Variants in MDGA2 observed in about 807,000 individuals in gnomAD.
MDGA2 encodes the protein MAM domain containing glycosylphosphatidylinositol anchor 2.
Under a neutral mutation model 117.8 loss-of-function variants are expected in MDGA2, and 40 were observed. That is an observed-to-expected ratio of 0.34 (90% CI 0.26 to 0.44). MDGA2 has a LOEUF of 0.44. Ranked by LOEUF, MDGA2 falls within the 20% of genes least tolerant of loss-of-function variation. MDGA2 has a pLI of 1.00. For missense variants in MDGA2, 1,123 were observed against 1,250.6 expected (o/e 0.90, Z 1.54); for synonymous variants, 452 against 439.0 (o/e 1.03, Z -0.37).
At chr14:46,890,306 G>T (rs969484370) in intron 10 of MDGA2, among the ~76,000 whole-genome samples, 3 of 151,992 alleles carry the variant, frequency 2.0e-5, no homozygotes, top group African/African-American at 7.2e-5. Flanking sequence ...CTTCTCTGTT[G>T]TAATTTTAAG....
chr14:47,551,594 T>C (rs951752239), intron 1 of MDGA2, among the ~76,000 whole-genome samples: 3 of 152,154 alleles, frequency 2.0e-5, no homozygotes, highest in African/African-American at 7.2e-5. Context: ...CTGATAGACA[T>C]CTCTGCATTA....
At chr14:47,343,140 T>A in intron 1 of MDGA2, 2 of 1,182,024 alleles carry the variant, frequency 1.7e-6, no homozygotes, top group Non-Finnish European at 2.1e-6. Flanking sequence ...ATGAAACAGC[T>A]GAGGTTACTT....
At chr14:47,474,763 T>C (rs1384450420) in intron 1 of MDGA2, among the ~76,000 whole-genome samples, 1 of 152,146 alleles carries the variant, frequency 6.6e-6, no homozygotes, top group Non-Finnish European at 1.5e-5. Flanking sequence ...TATATGGTGC[T>C]GGGAACTGGC....
At chr14:47,122,236 A>G (rs2139108814) in intron 5 of MDGA2, among the ~76,000 whole-genome samples, 1 of 152,050 alleles carries the variant, frequency 6.6e-6, no homozygotes, top group African/African-American at 2.4e-5. Context: ...TGATCATACT[A>G]CTCTACTGTA....
chr14:47,369,017 A>T (rs1377149665), intron 1 of MDGA2, among the ~76,000 whole-genome samples: 2 of 152,190 alleles, frequency 1.3e-5, no homozygotes, highest in African/African-American at 4.8e-5. Flanking sequence ...ATACTACAAA[A>T]ATTACAAAAT....
At chr14:46,945,835 A>T (rs551724348) in intron 9 of MDGA2, among the ~76,000 whole-genome samples, 1 of 152,110 alleles carries the variant, frequency 6.6e-6, no homozygotes, top group South Asian at 2.1e-4. Context: ...GTCCAATTTT[A>T]TGGTCGTTTG....
intron 10 of MDGA2, among the ~76,000 whole-genome samples, chr14:46,903,679 T>C (rs1255477011): frequency 6.6e-6 from 1 of 152,160 alleles, no homozygotes; most frequent in Admixed American, 6.6e-5. Flanking sequence ...TTGAAGTTAA[T>C]ATTAGTCTAA....
chr14:47,673,662 G>GTA (rs913648705), intron 1 of MDGA2, among the ~76,000 whole-genome samples: 4 of 151,704 alleles, frequency 2.6e-5, no homozygotes, highest in African/African-American at 9.7e-5. Context: ...GTGTGTGTGT[G>GTA]TGTGTGTGCT....
intron 5 of MDGA2, among the ~76,000 whole-genome samples, chr14:47,127,237 C>A (rs1031570747): frequency 3.3e-5 from 5 of 152,060 alleles, no homozygotes; most frequent in Non-Finnish European, 5.9e-5. Context: ...TCACTAGGAG[C>A]AACTGACTTT....
intron 5 of MDGA2, among the ~76,000 whole-genome samples, chr14:47,122,578 T>G (rs1037857278): frequency 6.6e-6 from 1 of 152,108 alleles, no homozygotes; most frequent in Admixed American, 6.6e-5. Context: ...TAATATTTTG[T>G]ATTTTATTGT....
At chr14:47,373,392 C>A (rs1243083116) in intron 1 of MDGA2, among the ~76,000 whole-genome samples, 1 of 151,930 alleles carries the variant, frequency 6.6e-6, no homozygotes, top group Non-Finnish European at 1.5e-5. Context: ...CATATCATCA[C>A]TATTTATACC....
chr14:47,087,910 G>A (rs555457529), intron 6 of MDGA2, among the ~76,000 whole-genome samples: 3 of 151,462 alleles, frequency 2.0e-5, no homozygotes, highest in East Asian at 3.9e-4. Flanking sequence ...AACCAGTGCC[G>A]ACTTTTAGAG....
At chr14:47,100,864 C>T (rs1005215453) in intron 5 of MDGA2, among the ~76,000 whole-genome samples, 2 of 152,112 alleles carry the variant, frequency 1.3e-5, no homozygotes, top group African/African-American at 4.8e-5. Context: ...ACACCACCAG[C>T]TGTAAACATT....
chr14:47,410,945 A>T (rs1222739059), intron 1 of MDGA2, among the ~76,000 whole-genome samples: 2 of 152,180 alleles, frequency 1.3e-5, no homozygotes, highest in Admixed American at 6.5e-5. Flanking sequence ...TTTCTAATTC[A>T]ACTTTAGTCT....
chr14:47,651,528 T>C (rs991659968), intron 1 of MDGA2, among the ~76,000 whole-genome samples: 4 of 152,092 alleles, frequency 2.6e-5, no homozygotes, highest in African/African-American at 9.6e-5. Context: ...TTCAGAGGAA[T>C]GAGAAACCAC....
intron 1 of MDGA2, among the ~76,000 whole-genome samples, chr14:47,457,699 G>C (rs928431526): frequency 6.6e-6 from 1 of 151,270 alleles, no homozygotes; most frequent in Non-Finnish European, 1.5e-5. Flanking sequence ...AAAAAATTTA[G>C]TTTATTTCCT....
At chr14:46,954,852 C>G (rs1471679101) in intron 9 of MDGA2, among the ~76,000 whole-genome samples, 1 of 151,898 alleles carries the variant, frequency 6.6e-6, no homozygotes, top group African/African-American at 2.4e-5. Context: ...ATCCTTTTAC[C>G]CTCTCTGTAT....
intron 1 of MDGA2, among the ~76,000 whole-genome samples, chr14:47,349,928 T>C (rs1890842882): frequency 6.6e-6 from 1 of 152,182 alleles, no homozygotes; most frequent in South Asian, 2.1e-4. Context: ...TGGCAGGAGA[T>C]GAGAGGGCAA....
At position 46,877,432 on chromosome 14, in the gene MDGA2, A is replaced by G. The variant is rs920180937; in HGVS notation, c.2437+57T>C. ...AAACAATTTTTGTATATTTATAAACATTATATTTTTGTATTTATTAAATAT... is the reference window on the plus strand; with the variant it reads ...AAACAATTTTTGTATATTTATAAACGTTATATTTTTGTATTTATTAAATAT... On this transcript the variant is annotated intron_variant, in intron 12 of 16. Transcript: ENST00000399232. The G allele has an allele frequency of 3.0e-6, 3 of 989,360 alleles. No individual in the cohort carries two copies. The African/African-American group carries it at 5.0e-5, about 16-fold the overall frequency. The allele number at this position is 989,360 out of a possible 1,614,324, so 61.3% of individuals were successfully genotyped here. A position where few individuals can be genotyped will look rare whatever the true frequency, so the allele number is the denominator to read the frequency against.
Sources: gnomAD v4.1 joint callset for allele counts (sites outside exome capture counted in the v4.1 genomes callset) on GRCh38, gnomAD v4.1.1 for gene constraint, MANE v1.5 for transcripts, NCBI Gene and HGNC (gene_info 2026-07-23, HGNC 2026-07-21) for gene names.